The following ERBB4 variants were observed in gnomAD, a reference collection of about 807,000 sequenced individuals.
The protein encoded by ERBB4 is receptor tyrosine-protein kinase erbB-4.
ERBB4 carries 42 observed loss-of-function variants against 158.0 expected under a neutral mutation model. That is an observed-to-expected ratio of 0.27 (90% CI 0.21 to 0.34). ERBB4 has a LOEUF of 0.34. Among genes scored for constraint, ERBB4 ranks in the 10% least tolerant of loss-of-function variants. The probability of loss-of-function intolerance (pLI) is 1.00; values close to 1 mark genes in which losing one functional copy is unlikely to be tolerated. For synonymous variants in ERBB4, 583 were observed against 558.7 expected (o/e 1.04, Z -0.61); for missense variants, 1,333 against 1,624.1 (o/e 0.82, Z 3.08).
intron 13 of ERBB4, among the ~76,000 whole-genome samples, chr2:211,678,320 A>AAC (rs2072180243): frequency 3.2e-4 from 3 of 9,298 alleles, no homozygotes; most frequent in African/African-American, 5.2e-4. Flanking sequence ...CAAACAAACA[A>AAC]AAAAAAAAAA....
chr2:211,469,206 G>T (rs994583709), intron 20 of ERBB4, among the ~76,000 whole-genome samples: 8 of 152,114 alleles, frequency 5.3e-5, no homozygotes, highest in Non-Finnish European at 1.2e-4. Flanking sequence ...CAACAGCAGG[G>T]GCAACACGAA....
At chr2:212,441,278 TC>T (rs1184429589) in intron 1 of ERBB4, among the ~76,000 whole-genome samples, 2 of 152,186 alleles carry the variant, frequency 1.3e-5, no homozygotes, top group African/African-American at 4.8e-5. Flanking sequence ...AGCTTTTCCA[TC>T]TTTGTCTGAG....
intron 24 of ERBB4, 84 bp from the exon 25 acceptor site, chr2:211,420,695 T>C: frequency 1.7e-6 from 2 of 1,195,458 alleles, no homozygotes; most frequent in South Asian, 2.5e-5. Context: ...TTATGTAATA[T>C]CATAACAAAT....
chr2:212,432,145 T>G (rs1034323373), intron 1 of ERBB4, among the ~76,000 whole-genome samples: 1 of 152,214 alleles, frequency 6.6e-6, no homozygotes, highest in African/African-American at 2.4e-5. Context: ...TCTCTGTTGC[T>G]ATCACCTTGA....
chr2:211,950,046 C>T (rs1303650832), intron 2 of ERBB4, among the ~76,000 whole-genome samples: 1 of 152,084 alleles, frequency 6.6e-6, no homozygotes, highest in East Asian at 1.9e-4. Flanking sequence ...CTTCTCTGGC[C>T]ACACCCTTCA....
chr2:212,034,080 T>C (rs936878457), intron 2 of ERBB4, among the ~76,000 whole-genome samples: 1 of 151,922 alleles, frequency 6.6e-6, no homozygotes, highest in Admixed American at 6.6e-5. Context: ...GTAGGGGTTA[T>C]GAGCAAGTCT....
chr2:212,123,750 A>T (rs926816618), intron 2 of ERBB4, among the ~76,000 whole-genome samples: 5 of 152,172 alleles, frequency 3.3e-5, no homozygotes, highest in African/African-American at 1.2e-4. Flanking sequence ...AAAATATTTA[A>T]ATATCACTCC....
chr2:212,123,065 C>A (rs1388119561), intron 2 of ERBB4, among the ~76,000 whole-genome samples: 1 of 152,172 alleles, frequency 6.6e-6, no homozygotes, highest in East Asian at 1.9e-4. Flanking sequence ...TCTAGGATAG[C>A]TTGCATGTGC....
At chr2:211,869,985 A>C (rs2106110313) in intron 3 of ERBB4, among the ~76,000 whole-genome samples, 1 of 152,240 alleles carries the variant, frequency 6.6e-6, no homozygotes, top group Non-Finnish European at 1.5e-5. Flanking sequence ...TTTGTGACCT[A>C]GACTGTCATA....
intron 12 of ERBB4, among the ~76,000 whole-genome samples, chr2:211,700,301 C>T (rs2073187395): frequency 6.6e-6 from 1 of 152,020 alleles, no homozygotes; most frequent in Non-Finnish European, 1.5e-5. Context: ...TTTTAGGAAT[C>T]AGTAATGTGT....
chr2:212,153,303 A>T (rs1575713098), intron 1 of ERBB4, among the ~76,000 whole-genome samples: 1 of 152,178 alleles, frequency 6.6e-6, no homozygotes, highest in Admixed American at 6.5e-5. Context: ...TTCTGCCCAA[A>T]GGTAAAGGAG....
rs148779882 is a variant in ERBB4, at chr2:212,145,246, C to T, written c.83-20343G>A. Among the ~76,000 whole-genome samples the T allele has an allele frequency of 6.0e-3, 917 of 152,286 alleles. 6 individuals carry two copies. Among genetic ancestry groups the T allele is most frequent in the Middle Eastern group, 0.024 (7 of 294 alleles). On this transcript the variant is annotated intron_variant, in intron 1 of 27. Transcript: ENST00000342788. ...GTTTTCGCAAGCCACAGCACTCTGA[C>T]TCATAAGGCTTGGATAGTATTTTTA...
chr2:212,005,595 G>T (rs2076241192), intron 2 of ERBB4, among the ~76,000 whole-genome samples: 1 of 152,136 alleles, frequency 6.6e-6, no homozygotes, highest in Admixed American at 6.5e-5. Flanking sequence ...GTTCCAAACA[G>T]TGCAAGCAGC....
intron 1 of ERBB4, among the ~76,000 whole-genome samples, chr2:212,447,002 T>TC (rs1560349216): frequency 6.6e-6 from 1 of 151,530 alleles, no homozygotes; most frequent in African/African-American, 2.4e-5. Flanking sequence ...TTTCTTTTTT[T>TC]TTTTTTTTTA....
intron 22 of ERBB4, 64 bp downstream of exon 22, chr2:211,428,344 C>T: frequency 1.1e-6 from 1 of 895,998 alleles, no homozygotes. Flanking sequence ...TAAGATATTT[C>T]ACATGAACTT....
At chr2:212,038,833 GC>G (rs2077074473) in intron 2 of ERBB4, among the ~76,000 whole-genome samples, 1 of 152,078 alleles carries the variant, frequency 6.6e-6, no homozygotes, top group Non-Finnish European at 1.5e-5. Context: ...TTTTCTTAAA[GC>G]TTTTTCCTCA....
At chr2:212,070,716 T>C (rs905277538) in intron 2 of ERBB4, among the ~76,000 whole-genome samples, 4 of 124,340 alleles carry the variant, frequency 3.2e-5, no homozygotes, top group African/African-American at 1.0e-4. Context: ...GACATAAATA[T>C]AAAAGCTCAA....
intron 17 of ERBB4, among the ~76,000 whole-genome samples, chr2:211,626,198 A>G (rs892266766): frequency 1.2e-4 from 18 of 152,170 alleles, no homozygotes; most frequent in Non-Finnish European, 1.5e-4. Context: ...TAAGCACTAA[A>G]TCTGTTACTC....
At position 211,962,529 on chromosome 2, in the gene ERBB4, G is replaced by A. The variant is rs546709625; in HGVS notation, c.235-14913C>T. ...GTAGGAGTCTATAATTTTACACCAG[G>A]CAATGGGGAATTAGTGGCACTGTAT... On this transcript the variant is annotated intron_variant, in intron 2 of 27. Coordinates refer to ENST00000342788, the MANE Select transcript of ERBB4 (RefSeq NM_005235.3). 4.6e-5 allele frequency among the ~76,000 whole-genome samples: 7 copies of A among 152,182 alleles called. No homozygotes were observed. In the South Asian group the frequency reaches 1.5e-3, roughly 32 times the overall value.
Sources: gnomAD v4.1 joint callset for allele counts (sites outside exome capture counted in the v4.1 genomes callset) on GRCh38, gnomAD v4.1.1 for gene constraint, MANE v1.5 for transcripts, NCBI Gene and HGNC (gene_info 2026-07-23, HGNC 2026-07-21) for gene names.